The following RFTN2 variants were observed in gnomAD, a reference collection of about 807,000 sequenced individuals.
The protein encoded by RFTN2 is raftlin-2.
In RFTN2, 34 loss-of-function variants were observed where a neutral mutation model predicts 52.7. That is an observed-to-expected ratio of 0.64 (90% CI 0.49 to 0.86). The LOEUF (loss-of-function observed/expected upper bound fraction) is 0.86, where lower values mean the gene tolerates loss of function less well. Among genes scored for constraint, RFTN2 ranks in the 40% least tolerant of loss-of-function variants. The pLI is 0.00. For missense variants in RFTN2, 536 were observed against 600.1 expected (o/e 0.89, Z 1.12); for synonymous variants, 203 against 217.7 (o/e 0.93, Z 0.59).
At chr2:197,665,612 C>G (rs377453752) in intron 1 of RFTN2, among the ~76,000 whole-genome samples, 51 of 144,368 alleles carry the variant, frequency 3.5e-4, no homozygotes, top group East Asian at 2.8e-3. Context: ...TTTCCATTTA[C>G]ATGGAATATC....
chr2:197,625,699 C>CTCTCCTTTCCTCTCCTCTCT, intron 5 of RFTN2, among the ~76,000 whole-genome samples: 1 of 103,142 alleles, frequency 9.7e-6, no homozygotes, highest in East Asian at 2.7e-4. Flanking sequence ...CTCTCCTCTC[C>CTCTCCTTTCCTCTCCTCTCT]TCTCCTCTCC....
At chr2:197,589,819 T>G (rs1295079983) in intron 8 of RFTN2, among the ~76,000 whole-genome samples, 1 of 152,212 alleles carries the variant, frequency 6.6e-6, no homozygotes, top group African/African-American at 2.4e-5. Flanking sequence ...TTCCTTCTGT[T>G]AACAGTGTCA....
chr2:197,624,538 C>T (rs955121056), intron 5 of RFTN2, among the ~76,000 whole-genome samples: 1 of 135,910 alleles, frequency 7.4e-6, no homozygotes, highest in African/African-American at 2.8e-5. Flanking sequence ...GCGGAGCTTG[C>T]AGTGAGCCAA....
chr2:197,611,131 T>C (rs1200235863), intron 7 of RFTN2, among the ~76,000 whole-genome samples: 1 of 152,182 alleles, frequency 6.6e-6, no homozygotes, highest in Non-Finnish European at 1.5e-5. Flanking sequence ...GCCTCAAAAA[T>C]GAGTTAGGGG....
Position 197,631,238 on chromosome 2 carries a change from G to A in RFTN2, c.719-18C>T, listed in dbSNP as rs765821971. The A allele has an allele frequency of 3.3e-6, 5 of 1,520,864 alleles. No homozygotes were observed. The highest frequency in any genetic ancestry group is 1.2e-5 in the South Asian group (1 of 84,554). The allele number at this position is 1,520,864 out of a possible 1,614,324, so 94.2% of individuals were successfully genotyped here. On this transcript the variant is annotated intron_variant, in intron 4 of 8. Transcript: ENST00000295049. ...ATCTGAGGCTAGGCATTCAGAAGGA[G>A]AAAAAAGGGGAAAATTATAATTTTG...
At chr2:197,621,851 G>A (rs1351009956) in intron 5 of RFTN2, among the ~76,000 whole-genome samples, 1 of 152,166 alleles carries the variant, frequency 6.6e-6, no homozygotes, top group Non-Finnish European at 1.5e-5. Flanking sequence ...AGCTTAGTGA[G>A]GAAGACATGT....
intron 1 of RFTN2, among the ~76,000 whole-genome samples, chr2:197,668,270 A>T (rs114046165): frequency 0.017 from 2,607 of 152,090 alleles, 75 homozygotes; most frequent in African/African-American, 0.06. Flanking sequence ...GCTAGGCTAG[A>T]GGGGCTGTCC....
At chr2:197,586,651 C>T (rs949752540) in intron 8 of RFTN2, among the ~76,000 whole-genome samples, 6 of 152,168 alleles carry the variant, frequency 3.9e-5, no homozygotes, top group African/African-American at 1.4e-4. Context: ...GGACTTTCTG[C>T]GTCCACTAAT....
Position 197,569,518 on chromosome 2 carries a change from T to G in RFTN2, c.*2490A>C, listed in dbSNP as rs182648441. 69 of 152,302 alleles carry G rather than the reference T, an allele frequency of 4.5e-4. No individual in the cohort carries two copies. The highest frequency in any genetic ancestry group is 1.7e-3 in the African/African-American group (69 of 41,558). 9.4% of individuals were successfully genotyped at this position (152,302 alleles called of 1,614,324 possible). A position where few individuals can be genotyped will look rare whatever the true frequency, so the allele number is the denominator to read the frequency against. On this transcript the variant is annotated 3_prime_UTR_variant, in exon 9 of 9. Transcript: ENST00000295049. ...GGAGCAAATGCTTCTAAAACAAGTT[T>G]TGAGGATATGACAGACTAGTAAGTT... is the stretch of plus-strand genomic sequence containing the variant.
At chr2:197,657,428 A>C (rs1401533906) in intron 1 of RFTN2, among the ~76,000 whole-genome samples, 1 of 152,120 alleles carries the variant, frequency 6.6e-6, no homozygotes, top group East Asian at 1.9e-4. Context: ...TAGTTTTCCT[A>C]GACTTGGCCT....
intron 1 of RFTN2, among the ~76,000 whole-genome samples, chr2:197,659,560 G>A (rs2106265350): frequency 6.6e-6 from 1 of 151,450 alleles, no homozygotes; most frequent in East Asian, 1.9e-4. Context: ...GCTCATGCCT[G>A]TAATCCCAGC....
intron 5 of RFTN2, among the ~76,000 whole-genome samples, chr2:197,628,626 A>AAG (rs923290581): frequency 6.6e-5 from 10 of 151,512 alleles, no homozygotes; most frequent in East Asian, 1.9e-4. Flanking sequence ...GAGAAAGAGA[A>AAG]AGAGAGAGAG....
intron 3 of RFTN2, among the ~76,000 whole-genome samples, chr2:197,641,148 G>T (rs755872327): frequency 3.3e-5 from 5 of 152,230 alleles, no homozygotes; most frequent in Non-Finnish European, 5.9e-5. Flanking sequence ...TTTAGAGTCA[G>T]AATGAAATGG....
At chr2:197,638,549 C>G (rs1252494333) in intron 3 of RFTN2, among the ~76,000 whole-genome samples, 1 of 79,568 alleles carries the variant, frequency 1.3e-5, no homozygotes, top group Non-Finnish European at 2.5e-5. Context: ...TTATCAGAGA[C>G]TAGGATTGCA....
chr2:197,588,407 G>A (rs2087636008), intron 8 of RFTN2, among the ~76,000 whole-genome samples: 1 of 152,088 alleles, frequency 6.6e-6, no homozygotes, highest in African/African-American at 2.4e-5. Context: ...TTTATGAGAT[G>A]GGGTCCCAAG....
At chr2:197,627,162 A>C (rs1377122226) in intron 5 of RFTN2, among the ~76,000 whole-genome samples, 1 of 151,922 alleles carries the variant, frequency 6.6e-6, no homozygotes, top group Admixed American at 6.6e-5. Context: ...TCCTGCCCTA[A>C]GGTCTTTGTA....
At chr2:197,637,601 T>C (rs2106240949) in intron 3 of RFTN2, among the ~76,000 whole-genome samples, 1 of 152,356 alleles carries the variant, frequency 6.6e-6, no homozygotes, top group South Asian at 2.1e-4. Context: ...CTTTATCATT[T>C]TTTATTGTGT....
In RFTN2 at chr2:197,598,618, C is replaced by T. The variant is rs538534928; in HGVS notation, c.1155-2549G>A. Among the ~76,000 whole-genome samples, 163 of 152,308 alleles carry T rather than the reference C, an allele frequency of 1.1e-3. 1 individual carries two copies. The highest frequency in any genetic ancestry group is 3.2e-3 in the African/African-American group (133 of 41,564). On this transcript the variant is annotated intron_variant, in intron 7 of 8. Transcript: ENST00000295049. ...GCACTAAGATCTGATGTTTGACCTA[C>T]GGCAGGCTTTACAAACTTTACCGTG...
chr2:197,602,430 T>G (rs1229189285), intron 7 of RFTN2, among the ~76,000 whole-genome samples: 2 of 152,206 alleles, frequency 1.3e-5, no homozygotes, highest in Non-Finnish European at 2.9e-5. Flanking sequence ...GAACTTCTTC[T>G]TGGTTCAATA....
Sources: allele counts gnomAD v4.1 joint callset (sites outside exome capture counted in the v4.1 genomes callset), GRCh38; gene constraint gnomAD v4.1.1; transcripts MANE v1.5; gene names NCBI Gene and HGNC (gene_info 2026-07-23, HGNC 2026-07-21).